Variants in ADARB2 observed in about 807,000 individuals in gnomAD.
ADARB2 encodes the protein inactive double-stranded RNA-specific editase B2.
In ADARB2, 25 loss-of-function variants were observed where a neutral mutation model predicts 62.2. The ratio of observed to expected loss-of-function variants is 0.40; its 90% CI spans 0.29 to 0.56. ADARB2 has a LOEUF of 0.56. Among genes scored for constraint, ADARB2 ranks in the 20% least tolerant of loss-of-function variants. ADARB2 has a pLI of 0.43. For missense variants in ADARB2, 1,071 were observed against 1,077.4 expected (o/e 0.99, Z 0.08); for synonymous variants, 572 against 500.8 (o/e 1.14, Z -1.90).
At chr10:1,192,375 T>C (rs992398946) in intron 8 of ADARB2, among the ~76,000 whole-genome samples, 2 of 152,170 alleles carry the variant, frequency 1.3e-5, no homozygotes, top group Admixed American at 6.5e-5. Context: ...TGCGGGGTCT[T>C]TCTCTCTCTC....
At chr10:1,251,949 A>G (rs1189264546) in intron 4 of ADARB2, among the ~76,000 whole-genome samples, 1 of 152,174 alleles carries the variant, frequency 6.6e-6, no homozygotes, top group East Asian at 1.9e-4. Flanking sequence ...TGGATTGTGG[A>G]CTTCCCAGCC....
chr10:1,733,774 C>T (rs1297762523), intron 1 of ADARB2, among the ~76,000 whole-genome samples: 2 of 151,960 alleles, frequency 1.3e-5, no homozygotes, highest in Non-Finnish European at 2.9e-5. Flanking sequence ...ACATAATTAC[C>T]AAGAACTATA....
intron 1 of ADARB2, among the ~76,000 whole-genome samples, chr10:1,422,328 G>T (rs144536772): frequency 1.6e-4 from 24 of 152,328 alleles, no homozygotes; most frequent in African/African-American, 5.5e-4. Context: ...TATTTACAGA[G>T]ACAGCTGTCC....
intron 1 of ADARB2, among the ~76,000 whole-genome samples, chr10:1,625,495 T>A (rs1420714000): frequency 6.6e-6 from 1 of 152,032 alleles, no homozygotes; most frequent in East Asian, 1.9e-4. Context: ...CGGCAGGGAA[T>A]GTTCCTCGGA....
intron 1 of ADARB2, among the ~76,000 whole-genome samples, chr10:1,400,119 C>T (rs1262723972): frequency 4.6e-5 from 7 of 152,200 alleles, no homozygotes; most frequent in Admixed American, 2.0e-4. Context: ...TTGGAGGCAC[C>T]GCTGAGCGTG....
chr10:1,689,562 A>G (rs1834642542), intron 1 of ADARB2, among the ~76,000 whole-genome samples: 1 of 152,154 alleles, frequency 6.6e-6, no homozygotes, highest in Non-Finnish European at 1.5e-5. Context: ...CAATACCCTC[A>G]ACAACACTTC....
At position 1,326,782 on chromosome 10, in the gene ADARB2, T is replaced by TCCCCACGGCCCAGCGCCTCCC. The variant is rs1831852797; in HGVS notation, c.1077+36245_1077+36246insGGGAGGCGCTGGGCCGTGGGG. 3.9e-5 allele frequency among the ~76,000 whole-genome samples: 2 copies of TCCCCACGGCCCAGCGCCTCCC among 51,754 alleles called. 1 individual carries two copies. The highest frequency in any genetic ancestry group is 8.6e-5 in the Non-Finnish European group (2 of 23,272). 34.0% of individuals were successfully genotyped at this position (51,754 alleles called of 152,430 possible). A position where few individuals can be genotyped will look rare whatever the true frequency, so the allele number is the denominator to read the frequency against. The stretch of plus-strand genomic sequence containing the variant: ...GCGCCTCTGGTAGCACAGCCCCTCC[T>TCCCCACGGCCCAGCGCCTCCC]CACTGCCCAGCGCCTCCCCACGGCC... On this transcript the variant is annotated intron_variant, in intron 3 of 9. Transcript: ENST00000381312.
At chr10:1,689,530 T>C (rs1834642271) in intron 1 of ADARB2, among the ~76,000 whole-genome samples, 1 of 152,208 alleles carries the variant, frequency 6.6e-6, no homozygotes, top group East Asian at 1.9e-4. Context: ...TCATGCGATA[T>C]TTGAATAAAC....
intron 1 of ADARB2, among the ~76,000 whole-genome samples, chr10:1,553,496 A>G (rs995686780): frequency 6.6e-6 from 1 of 152,134 alleles, no homozygotes; most frequent in Non-Finnish European, 1.5e-5. Flanking sequence ...CTTTAATCAG[A>G]GAAGATTCTA....
intron 4 of ADARB2, among the ~76,000 whole-genome samples, chr10:1,267,376 T>C (rs1831214916): frequency 6.6e-6 from 1 of 152,232 alleles, no homozygotes; most frequent in Admixed American, 6.5e-5. Flanking sequence ...CCCATCGTTT[T>C]AGATGATGCT....
In ADARB2 at chr10:1,678,260, C is replaced by G. The variant is rs969660051; in HGVS notation, c.100+58791G>C. On this transcript the variant is annotated intron_variant, in intron 1 of 9. Coordinates refer to ENST00000381312, the MANE Select transcript of ADARB2 (RefSeq NM_018702.4). ...TGAGTGTCCTCGGGGTGAGCATCCT[C>G]AGGGTGAGGGACCTCGGGGTGAGCG... 1.2e-5 allele frequency: 12 copies of G among 985,056 alleles called. No individual in the cohort carries two copies. In the African/African-American group the frequency reaches 1.7e-4, roughly 14 times the overall value. The allele number at this position is 985,056 out of a possible 1,614,324, so 61.0% of individuals were successfully genotyped here. A position where few individuals can be genotyped will look rare whatever the true frequency, so the allele number is the denominator to read the frequency against.
At chr10:1,544,015 A>C (rs1457443101) in intron 1 of ADARB2, among the ~76,000 whole-genome samples, 4 of 80,402 alleles carry the variant, frequency 5.0e-5, no homozygotes, top group South Asian at 3.5e-4. Context: ...AAAAAAAAAC[A>C]AACAAAAAAA....
chr10:1,575,172 A>G (rs1832993549), intron 1 of ADARB2, among the ~76,000 whole-genome samples: 1 of 152,200 alleles, frequency 6.6e-6, no homozygotes, highest in Admixed American at 6.5e-5. Flanking sequence ...AGTGCTAATT[A>G]ATTCACCCCT....
At chr10:1,726,997 G>A (rs1835175766) in intron 1 of ADARB2, among the ~76,000 whole-genome samples, 1 of 152,158 alleles carries the variant, frequency 6.6e-6, no homozygotes, top group Non-Finnish European at 1.5e-5. Flanking sequence ...TTCTGTTCCT[G>A]CTTAATCTCT....
chr10:1,299,983 G>A (rs2131816754), intron 3 of ADARB2, among the ~76,000 whole-genome samples: 1 of 152,296 alleles, frequency 6.6e-6, no homozygotes, highest in South Asian at 2.1e-4. Context: ...CCTCACCAGG[G>A]GGGCCCGGTG....
intron 3 of ADARB2, among the ~76,000 whole-genome samples, chr10:1,327,110 GGCACAGCGCCTCACT>G (rs1245388049): frequency 1.3e-4 from 9 of 68,346 alleles, no homozygotes; most frequent in Non-Finnish European, 1.8e-4. Flanking sequence ...GCCTCCCCAC[GGCACAGCGCCTCACT>G]GCACAGCGCC....
At chr10:1,620,618 C>T (rs1405941054) in intron 1 of ADARB2, among the ~76,000 whole-genome samples, 1 of 152,224 alleles carries the variant, frequency 6.6e-6, no homozygotes, top group Non-Finnish European at 1.5e-5. Context: ...ACTCTCCATT[C>T]ATTCAGTTGT....
At chr10:1,604,544 G>A (rs1031245373) in intron 1 of ADARB2, among the ~76,000 whole-genome samples, 23 of 152,150 alleles carry the variant, frequency 1.5e-4, no homozygotes, top group Non-Finnish European at 7.3e-5. Context: ...CACTGCCACG[G>A]TTTACGTTTT....
At chr10:1,580,418 A>G (rs1588310660) in intron 1 of ADARB2, among the ~76,000 whole-genome samples, 1 of 151,932 alleles carries the variant, frequency 6.6e-6, no homozygotes, top group East Asian at 1.9e-4. Context: ...CCATATTTCT[A>G]AAATTGTGTA....
Sources: allele counts gnomAD v4.1 joint callset (sites outside exome capture counted in the v4.1 genomes callset), GRCh38; gene constraint gnomAD v4.1.1; transcripts MANE v1.5; gene names NCBI Gene and HGNC (gene_info 2026-07-23, HGNC 2026-07-21).